Variants in ZNF385D observed in about 807,000 individuals in gnomAD.
ZNF385D encodes the protein zinc finger protein 385D, also known as zinc finger protein 659.
ZNF385D carries 15 observed loss-of-function variants against 35.8 expected under a neutral mutation model. The ratio of observed to expected loss-of-function variants is 0.42; its 90% CI spans 0.28 to 0.64. The LOEUF is 0.64. ZNF385D is among the 30% of genes least tolerant of loss of function. ZNF385D has a pLI of 0.23. For missense variants in ZNF385D, 474 were observed against 494.6 expected (o/e 0.96, Z 0.39); for synonymous variants, 212 against 186.8 (o/e 1.13, Z -1.10).
chr3:22,208,844 T>A (rs188514649), intron 2 of ZNF385D, among the ~76,000 whole-genome samples: 1 of 151,874 alleles, frequency 6.6e-6, no homozygotes, highest in Non-Finnish European at 1.5e-5. Context: ...AAAGAGAGAA[T>A]AGAATTGAGT....
chr3:21,856,664 T>C (rs767085236), intron 3 of ZNF385D, among the ~76,000 whole-genome samples: 2 of 152,012 alleles, frequency 1.3e-5, no homozygotes, highest in Non-Finnish European at 1.5e-5. Flanking sequence ...CCACCATCGA[T>C]ACCCAGTCCA....
chr3:22,289,223 T>A (rs2220673), intron 2 of ZNF385D, among the ~76,000 whole-genome samples: 1 of 152,136 alleles, frequency 6.6e-6, no homozygotes, highest in Admixed American at 6.6e-5. Context: ...TCTGAATGTG[T>A]CCACCTCTTT....
chr3:22,189,279 A>G (rs756323152), intron 2 of ZNF385D, among the ~76,000 whole-genome samples: 2 of 152,132 alleles, frequency 1.3e-5, no homozygotes, highest in African/African-American at 2.4e-5. Flanking sequence ...CTTCCCTCTT[A>G]CATATCCAGA....
chr3:21,817,730 C>T (rs191310857), intron 3 of ZNF385D, among the ~76,000 whole-genome samples: 1 of 152,284 alleles, frequency 6.6e-6, no homozygotes, highest in Non-Finnish European at 1.5e-5. Flanking sequence ...GTTGGTGGGA[C>T]TGTAAACTAG....
At position 22,293,826 on chromosome 3, in the gene ZNF385D, G is replaced by C. The variant is rs536859927; in HGVS notation, c.106+78624C>G. Among the ~76,000 whole-genome samples the C allele has an allele frequency of 2.6e-5, 4 of 152,196 alleles. No homozygotes were observed. The East Asian group carries it at 7.8e-4, about 30-fold the overall frequency. ...AACTACTGAATCAGTATCCCTGGAG[G>C]TGAGGCCTAGTGATCTGTTCCTGCA... On this transcript the variant is annotated intron_variant, in intron 2 of 5. Transcript: ENST00000494108.
chr3:21,997,571 T>G (rs1695547321), intron 3 of ZNF385D, among the ~76,000 whole-genome samples: 1 of 150,084 alleles, frequency 6.7e-6, no homozygotes, highest in African/African-American at 2.4e-5. Context: ...AAAAAAACAG[T>G]ATAATATGGA....
chr3:22,235,297 A>G (rs973625813), intron 2 of ZNF385D, among the ~76,000 whole-genome samples: 1 of 152,148 alleles, frequency 6.6e-6, no homozygotes, highest in African/African-American at 2.4e-5. Flanking sequence ...ACAGTAATGA[A>G]TATTTAAATG....
At chr3:21,897,094 C>A (rs924086118) in intron 3 of ZNF385D, among the ~76,000 whole-genome samples, 2 of 152,130 alleles carry the variant, frequency 1.3e-5, no homozygotes, top group African/African-American at 4.8e-5. Flanking sequence ...CTATTAAAGG[C>A]AAGACTTTGG....
At chr3:21,662,332 C>G (rs1245834328) in intron 2 of ZNF385D, among the ~76,000 whole-genome samples, 3 of 152,142 alleles carry the variant, frequency 2.0e-5, no homozygotes, top group Admixed American at 2.0e-4. Flanking sequence ...CAGAGGAAGT[C>G]TCCCACCAAA....
chr3:22,007,641 T>C (rs532457860), intron 3 of ZNF385D, among the ~76,000 whole-genome samples: 1 of 152,318 alleles, frequency 6.6e-6, no homozygotes, highest in East Asian at 1.9e-4. Flanking sequence ...GTTTTGTCGG[T>C]AGAGTGTGCT....
intron 2 of ZNF385D, among the ~76,000 whole-genome samples, chr3:22,367,330 C>T (rs1696701001): frequency 6.6e-6 from 1 of 152,096 alleles, no homozygotes; most frequent in Admixed American, 6.6e-5. Flanking sequence ...GATTCAAATC[C>T]AGCCCGTCTA....
intron 3 of ZNF385D, among the ~76,000 whole-genome samples, chr3:21,925,782 T>C (rs565762697): frequency 1.3e-5 from 2 of 151,694 alleles, no homozygotes; most frequent in African/African-American, 2.4e-5. Flanking sequence ...AACTTGACAG[T>C]AAAAAAAACC....
chr3:22,291,086 G>A (rs1354676302), intron 2 of ZNF385D, among the ~76,000 whole-genome samples: 1 of 152,002 alleles, frequency 6.6e-6, no homozygotes, highest in Non-Finnish European at 1.5e-5. Context: ...CCATCCCCCT[G>A]GGGATTAAGG....
intron 2 of ZNF385D, among the ~76,000 whole-genome samples, chr3:22,173,062 G>C (rs6786805): frequency 0.2 from 29,674 of 152,082 alleles, 2,973 homozygotes; most frequent in African/African-American, 0.21. Context: ...TGCTAACAAT[G>C]GTATTTCACC....
At chr3:21,605,561 C>T (rs1024689456) in intron 2 of ZNF385D, among the ~76,000 whole-genome samples, 4 of 152,092 alleles carry the variant, frequency 2.6e-5, no homozygotes, top group Non-Finnish European at 4.4e-5. Context: ...TGAAGCTTTT[C>T]CTAATCACAC....
At chr3:22,364,113 AT>A (rs1188154643) in intron 2 of ZNF385D, among the ~76,000 whole-genome samples, 3 of 151,430 alleles carry the variant, frequency 2.0e-5, no homozygotes, top group East Asian at 3.9e-4. Flanking sequence ...CTAGGCTCTT[AT>A]TTTTTTGGAA....
chr3:21,791,372 G>T (rs888212170), intron 3 of ZNF385D, among the ~76,000 whole-genome samples: 2 of 152,176 alleles, frequency 1.3e-5, no homozygotes, highest in African/African-American at 4.8e-5. Context: ...GTGATATTAG[G>T]GGACAAATGA....
intron 3 of ZNF385D, chr3:22,168,719 TA>T (rs576342428): frequency 9.3e-6 from 7 of 753,366 alleles, no homozygotes; most frequent in Non-Finnish European, 1.1e-5. Context: ...TTTCCTGGTT[TA>T]AAAAAATAGT....
At chr3:21,783,436 G>A (rs759310118) in intron 3 of ZNF385D, among the ~76,000 whole-genome samples, 2 of 152,094 alleles carry the variant, frequency 1.3e-5, no homozygotes, top group South Asian at 2.1e-4. Flanking sequence ...CTTCTCCTAC[G>A]AAGACATTTA....
Sources: gnomAD v4.1 joint callset for allele counts (sites outside exome capture counted in the v4.1 genomes callset) on GRCh38, gnomAD v4.1.1 for gene constraint, MANE v1.5 for transcripts, NCBI Gene and HGNC (gene_info 2026-07-23, HGNC 2026-07-21) for gene names.